The following HS3ST5 variants were observed in gnomAD, a reference collection of about 807,000 sequenced individuals.
HS3ST5 encodes heparan sulfate glucosamine 3-O-sulfotransferase 5.
Under a neutral mutation model 25.4 loss-of-function variants are expected in HS3ST5, and 10 were observed. The observed-to-expected ratio is 0.39, with a 90% confidence interval of 0.24 to 0.67. The LOEUF is 0.67. Among genes scored for constraint, HS3ST5 ranks in the 30% least tolerant of loss-of-function variants. The probability of loss-of-function intolerance (pLI) is 0.44; values close to 1 mark genes in which losing one functional copy is unlikely to be tolerated. For missense variants in HS3ST5, 324 were observed against 420.7 expected (o/e 0.77, Z 2.01); for synonymous variants, 170 against 162.4 (o/e 1.05, Z -0.36).
intron 3 of HS3ST5, among the ~76,000 whole-genome samples, chr6:114,162,631 C>T (rs754817501): frequency 3.9e-5 from 6 of 152,202 alleles, no homozygotes; most frequent in Admixed American, 2.0e-4. Context: ...AAAATCAAAG[C>T]CTTTGGCTGT....
rs180836934 is a variant in HS3ST5, at chr6:114,216,512, A to G, written c.-145+12073T>C. ...CAATTCCACTCATCAACATGTTTAC[A>G]CTACAGTAGACATACATATAGACAC... On this transcript the variant is annotated intron_variant, in intron 2 of 4. Transcript: ENST00000312719. 4.6e-5 allele frequency among the ~76,000 whole-genome samples: 7 copies of G among 152,332 alleles called. No homozygotes were observed. In the East Asian group the frequency reaches 1.4e-3, roughly 29 times the overall value.
chr6:114,246,598 G>T (rs767853560), intron 1 of HS3ST5, among the ~76,000 whole-genome samples: 9 of 152,116 alleles, frequency 5.9e-5, no homozygotes, highest in Non-Finnish European at 1.3e-4. Flanking sequence ...TGATACCTTA[G>T]GCAACGCTTA....
chr6:114,183,214 G>A (rs988647130), intron 2 of HS3ST5, among the ~76,000 whole-genome samples: 4 of 152,048 alleles, frequency 2.6e-5, no homozygotes, highest in Admixed American at 6.6e-5. Context: ...TAATTCTCTC[G>A]AGTTGTGAAA....
intron 2 of HS3ST5, among the ~76,000 whole-genome samples, chr6:114,199,476 G>A (rs1334839393): frequency 1.3e-5 from 2 of 152,030 alleles, no homozygotes; most frequent in Non-Finnish European, 2.9e-5. Context: ...TTCTCCTTTG[G>A]TATTTGATAA....
intron 2 of HS3ST5, among the ~76,000 whole-genome samples, chr6:114,190,914 G>T (rs1780470045): frequency 6.6e-6 from 1 of 152,128 alleles, no homozygotes; most frequent in African/African-American, 2.4e-5. Context: ...CATCTGTCCT[G>T]GTTTCCACTT....
Position 114,342,878 on chromosome 6 carries a change from G to T in HS3ST5, c.-1022C>A, listed in dbSNP as rs1776949275. ...CGCGGCTGGCGCTGTCACGGCCGCC[G>T]CCCGGCCCCCAGAGCGCCCGAGCCG... On this transcript the variant is annotated 5_prime_UTR_variant, in exon 1 of 5. Coordinates refer to ENST00000312719, the MANE Select transcript of HS3ST5 (RefSeq NM_153612.4). The T allele has an allele frequency of 6.5e-6, 1 of 152,818 alleles. No individual in the cohort carries two copies. Among genetic ancestry groups the T allele is most frequent in the East Asian group, 1.9e-4 (1 of 5,184 alleles). 9.5% of individuals were successfully genotyped at this position (152,818 alleles called of 1,614,324 possible).
Position 114,204,826 on chromosome 6 carries a change from C to A in HS3ST5, c.-145+23759G>T, listed in dbSNP as rs1043275676. On this transcript the variant is annotated intron_variant, in intron 2 of 4. Transcript: ENST00000312719. Reference sequence around the variant, plus strand: ...TCATTTTGTACTTATATTTCTAAAACCTGTTAAACATTTAACTAAAATATA... The same window carrying A: ...TCATTTTGTACTTATATTTCTAAAAACTGTTAAACATTTAACTAAAATATA... 5.9e-5 allele frequency among the ~76,000 whole-genome samples: 9 copies of A among 152,184 alleles called. 1 individual carries two copies. In the East Asian group the frequency reaches 1.5e-3, roughly 26 times the overall value.
chr6:114,182,140 T>C (rs1254730981), intron 2 of HS3ST5, among the ~76,000 whole-genome samples: 1 of 152,160 alleles, frequency 6.6e-6, no homozygotes. Context: ...CTTGGAAATA[T>C]TGTAACAAGT....
At chr6:114,184,514 C>A (rs1562229632) in intron 2 of HS3ST5, among the ~76,000 whole-genome samples, 2 of 152,182 alleles carry the variant, frequency 1.3e-5, no homozygotes, top group Admixed American at 6.5e-5. Context: ...TGAAGGAAGG[C>A]ATCAGACTTC....
At chr6:114,255,457 C>A (rs1341115346) in intron 1 of HS3ST5, among the ~76,000 whole-genome samples, 2 of 152,256 alleles carry the variant, frequency 1.3e-5, no homozygotes, top group East Asian at 3.9e-4. Flanking sequence ...ATGCTGGGGT[C>A]TGGAGGATGG....
intron 1 of HS3ST5, among the ~76,000 whole-genome samples, chr6:114,290,259 A>T (rs1055256046): frequency 6.6e-6 from 1 of 152,152 alleles, no homozygotes; most frequent in African/African-American, 2.4e-5. Flanking sequence ...CAGCTTTGAA[A>T]AGTGTGAAGT....
At chr6:114,208,087 A>G (rs921719885) in intron 2 of HS3ST5, among the ~76,000 whole-genome samples, 1 of 152,206 alleles carries the variant, frequency 6.6e-6, no homozygotes, top group African/African-American at 2.4e-5. Flanking sequence ...CTAAGTAGAT[A>G]ATGATGAATT....
chr6:114,171,931 C>T (rs62415802), intron 2 of HS3ST5, among the ~76,000 whole-genome samples: 15 of 152,162 alleles, frequency 9.9e-5, no homozygotes, highest in Non-Finnish European at 1.8e-4. Flanking sequence ...ATCTTAGTGT[C>T]CTTTTATACA....
At chr6:114,171,359 G>A (rs1170264610) in intron 2 of HS3ST5, among the ~76,000 whole-genome samples, 2 of 152,152 alleles carry the variant, frequency 1.3e-5, no homozygotes, top group African/African-American at 4.8e-5. Flanking sequence ...TTTAAATAGT[G>A]GGTAGTGATG....
intron 2 of HS3ST5, among the ~76,000 whole-genome samples, chr6:114,175,193 G>A (rs1779669791): frequency 6.6e-6 from 1 of 152,122 alleles, no homozygotes; most frequent in Non-Finnish European, 1.5e-5. Context: ...ATATGGCTGT[G>A]TCACTATAAT....
chr6:114,082,066 C>T (rs1056993499), intron 3 of HS3ST5, among the ~76,000 whole-genome samples: 7 of 152,186 alleles, frequency 4.6e-5, no homozygotes, highest in Admixed American at 1.3e-4. Flanking sequence ...ATTTCTGTCG[C>T]ACTATTCCTT....
chr6:114,297,542 T>A (rs1054905662), intron 1 of HS3ST5, among the ~76,000 whole-genome samples: 1 of 152,170 alleles, frequency 6.6e-6, no homozygotes, highest in Admixed American at 6.5e-5. Context: ...AGAGTTAGTA[T>A]ATATTTTTTT....
intron 1 of HS3ST5, among the ~76,000 whole-genome samples, chr6:114,254,957 C>T (rs1275683825): frequency 1.3e-5 from 2 of 152,156 alleles, no homozygotes; most frequent in East Asian, 3.9e-4. Context: ...TACATCCTGA[C>T]ATTTTAAAAC....
At chr6:114,341,394 T>C (rs1399483886) in intron 1 of HS3ST5, among the ~76,000 whole-genome samples, 1 of 151,992 alleles carries the variant, frequency 6.6e-6, no homozygotes, top group African/African-American at 2.4e-5. Context: ...ACTCCGGAGT[T>C]GTTTGTTTGC....
Sources: gnomAD v4.1 joint callset for allele counts (sites outside exome capture counted in the v4.1 genomes callset) on GRCh38, gnomAD v4.1.1 for gene constraint, MANE v1.5 for transcripts, NCBI Gene and HGNC (gene_info 2026-07-23, HGNC 2026-07-21) for gene names.